Variants in PPM1D observed in about 807,000 individuals in gnomAD.
PPM1D encodes protein phosphatase, Mg2+/Mn2+ dependent 1D.
PPM1D carries 52 observed loss-of-function variants against 58.3 expected under a neutral mutation model. The observed-to-expected ratio is 0.89, with a 90% CI of 0.71 to 1.12. The LOEUF is 1.12. Ranked by LOEUF, PPM1D falls within the 50% of genes most tolerant of loss-of-function variation. The pLI is 0.00. For missense variants in PPM1D, 564 were observed against 777.2 expected (o/e 0.73, Z 3.26); for synonymous variants, 278 against 285.1 (o/e 0.98, Z 0.25).
chr17:60,641,432 G>A (rs2031132301), intron 3 of PPM1D, among the ~76,000 whole-genome samples: 1 of 152,142 alleles, frequency 6.6e-6, no homozygotes, highest in South Asian at 2.1e-4. Context: ...TTCTAATGGG[G>A]TTATTTGTTT....
At chr17:60,604,358 C>T (rs2030285647) in intron 1 of PPM1D, among the ~76,000 whole-genome samples, 1 of 152,194 alleles carries the variant, frequency 6.6e-6, no homozygotes, top group African/African-American at 2.4e-5. Flanking sequence ...GAAAAGCTCA[C>T]TTTGTTCATG....
At chr17:60,653,746 A>G (rs1199005844) in intron 4 of PPM1D, among the ~76,000 whole-genome samples, 1 of 152,120 alleles carries the variant, frequency 6.6e-6, no homozygotes, top group African/African-American at 2.4e-5. Context: ...GATCTTTCAC[A>G]TCTTTGGTTA....
intron 1 of PPM1D, among the ~76,000 whole-genome samples, chr17:60,606,033 A>G (rs1271898693): frequency 1.3e-5 from 2 of 152,242 alleles, no homozygotes; most frequent in Admixed American, 1.3e-4. Context: ...CAGCCCAAAT[A>G]GAAACTCTGT....
intron 1 of PPM1D, among the ~76,000 whole-genome samples, chr17:60,617,197 G>A (rs1354303424): frequency 6.6e-6 from 1 of 151,332 alleles, no homozygotes; most frequent in African/African-American, 2.4e-5. Flanking sequence ...GCCTCAAGTG[G>A]TCCTCCTGCC....
chr17:60,649,097 T>C (rs1009465828), intron 4 of PPM1D, among the ~76,000 whole-genome samples: 2 of 151,836 alleles, frequency 1.3e-5, no homozygotes, highest in Non-Finnish European at 2.9e-5. Flanking sequence ...TTGTTTTTTT[T>C]TCCCCCCAAG....
chr17:60,656,921 A>G, intron 5 of PPM1D, 80 bp downstream of exon 5: 1 of 1,604,626 alleles, frequency 6.2e-7, no homozygotes. Context: ...ACAATTTTTA[A>G]ATTCTTACAG....
intron 4 of PPM1D, among the ~76,000 whole-genome samples, chr17:60,654,517 CAA>C (rs770794981): frequency 1.2e-3 from 184 of 147,482 alleles, no homozygotes; most frequent in Non-Finnish European, 2.1e-3. Flanking sequence ...AAACAACAAA[CAA>C]AATTTTCCAC....
At chr17:60,638,314 A>C (rs993526317) in intron 3 of PPM1D, among the ~76,000 whole-genome samples, 1 of 152,152 alleles carries the variant, frequency 6.6e-6, no homozygotes, top group Non-Finnish European at 1.5e-5. Context: ...TTTAATATTT[A>C]AGCTAAAAAG....
chr17:60,604,883 A>G (rs1224658283), intron 1 of PPM1D: 1 of 152,220 alleles, frequency 6.6e-6, no homozygotes, highest in African/African-American at 2.4e-5. Flanking sequence ...CTGTGGCACA[A>G]TTTCAGCTCA....
At chr17:60,612,398 TATA>T (rs2030476493) in intron 1 of PPM1D, among the ~76,000 whole-genome samples, 2 of 151,952 alleles carry the variant, frequency 1.3e-5, no homozygotes, top group Non-Finnish European at 2.9e-5. Flanking sequence ...ACCTAGATGG[TATA>T]GCCTACTGCA....
At chr17:60,661,340 T>TG (rs1567978811) in intron 5 of PPM1D, among the ~76,000 whole-genome samples, 24 of 151,016 alleles carry the variant, frequency 1.6e-4, no homozygotes, top group African/African-American at 5.2e-4. Context: ...TCTATTAATA[T>TG]TTTGATACAT....
At chr17:60,603,032 C>G (rs1404046535) in intron 1 of PPM1D, among the ~76,000 whole-genome samples, 1 of 152,102 alleles carries the variant, frequency 6.6e-6, no homozygotes, top group African/African-American at 2.4e-5. Context: ...TGGAAATACT[C>G]CATTTCCATT....
At chr17:60,621,885 CAAA>C (rs774187907) in intron 1 of PPM1D, among the ~76,000 whole-genome samples, 1 of 122,200 alleles carries the variant, frequency 8.2e-6, no homozygotes, top group Non-Finnish European at 1.7e-5. Context: ...AGAGTTATCT[CAAA>C]AAAAAAAAAA....
intron 1 of PPM1D, among the ~76,000 whole-genome samples, chr17:60,614,830 C>A (rs973883470): frequency 6.6e-6 from 1 of 152,116 alleles, no homozygotes; most frequent in Non-Finnish European, 1.5e-5. Context: ...GACCACGAAC[C>A]CACCAGAAGG....
chr17:60,616,397 C>G (rs1174212930), intron 1 of PPM1D, among the ~76,000 whole-genome samples: 1 of 152,006 alleles, frequency 6.6e-6, no homozygotes, highest in East Asian at 1.9e-4. Flanking sequence ...TACTGAAGGT[C>G]AAGAGTTCGA....
intron 5 of PPM1D, among the ~76,000 whole-genome samples, chr17:60,658,724 G>A (rs1490951939): frequency 6.6e-6 from 1 of 152,138 alleles, no homozygotes; most frequent in Non-Finnish European, 1.5e-5. Context: ...AGCACTTTGG[G>A]AGGCAGAGGC....
chr17:60,637,099 G>C (rs1266778540), intron 3 of PPM1D, among the ~76,000 whole-genome samples: 6 of 151,722 alleles, frequency 4.0e-5, no homozygotes, highest in Non-Finnish European at 8.8e-5. Context: ...CTCCCAAGTA[G>C]CTGGGATTAT....
intron 3 of PPM1D, among the ~76,000 whole-genome samples, chr17:60,642,974 A>G (rs2031165331): frequency 2.0e-5 from 3 of 150,736 alleles, no homozygotes; most frequent in African/African-American, 4.9e-5. Flanking sequence ...AGGCTGAGGC[A>G]GGAGAATGGC....
chr17:60,630,763 G>C (rs1056377054), intron 2 of PPM1D, among the ~76,000 whole-genome samples: 3 of 152,146 alleles, frequency 2.0e-5, no homozygotes, highest in African/African-American at 7.2e-5. Context: ...AGAGCTGCTC[G>C]TCTAGTTATG....
Sources: allele counts gnomAD v4.1 joint callset (sites outside exome capture counted in the v4.1 genomes callset), GRCh38; gene constraint gnomAD v4.1.1; transcripts MANE v1.5; gene names NCBI Gene and HGNC (gene_info 2026-07-23, HGNC 2026-07-21).